ERC2: variants seen among roughly 807,000 people sequenced by gnomAD.
ERC2 encodes ELKS/RAB6-interacting/CAST family member 2.
In ERC2, 42 loss-of-function variants were observed where a neutral mutation model predicts 114.8. The ratio of observed to expected loss-of-function variants is 0.37; its 90% CI spans 0.29 to 0.47. The LOEUF (loss-of-function observed/expected upper bound fraction) is 0.47. Ranked by LOEUF, ERC2 falls within the 20% of genes least tolerant of loss-of-function variation. The pLI is 0.99. For missense variants in ERC2, 939 were observed against 1,150.7 expected (o/e 0.82, Z 2.66); for synonymous variants, 454 against 425.5 (o/e 1.07, Z -0.82).
chr3:56,137,525 C>G (rs774081836), intron 6 of ERC2, among the ~76,000 whole-genome samples: 6 of 152,202 alleles, frequency 3.9e-5, no homozygotes, highest in Non-Finnish European at 8.8e-5. Flanking sequence ...AAAAGCCAGA[C>G]AGTAAATATT....
intron 7 of ERC2, among the ~76,000 whole-genome samples, chr3:56,033,964 G>T (rs893186109): frequency 6.6e-6 from 1 of 151,792 alleles, no homozygotes; most frequent in Non-Finnish European, 1.5e-5. Flanking sequence ...AAATAATCAG[G>T]ATAATCAGGA....
chr3:55,820,326 C>T (rs1376860190), intron 14 of ERC2, among the ~76,000 whole-genome samples: 2 of 152,126 alleles, frequency 1.3e-5, no homozygotes, highest in Admixed American at 1.3e-4. Context: ...AAAACTAGCT[C>T]AGAACGGGAG....
intron 13 of ERC2, among the ~76,000 whole-genome samples, chr3:55,927,750 C>T (rs967530246): frequency 6.6e-6 from 1 of 152,148 alleles, no homozygotes; most frequent in African/African-American, 2.4e-5. Context: ...CCGACTCCAA[C>T]CCCAGTACCC....
intron 17 of ERC2, among the ~76,000 whole-genome samples, chr3:55,538,712 G>A (rs1323504288): frequency 1.3e-5 from 2 of 152,146 alleles, no homozygotes; most frequent in Non-Finnish European, 2.9e-5. Flanking sequence ...GCTGCTTTTA[G>A]GTCATTTTAA....
At chr3:55,981,752 G>A (rs2070158014) in intron 12 of ERC2, among the ~76,000 whole-genome samples, 1 of 152,154 alleles carries the variant, frequency 6.6e-6, no homozygotes. Context: ...GAAAACCAAT[G>A]ACATCTTTTC....
At chr3:56,025,324 A>AGCATC (rs1320788813) in intron 7 of ERC2, among the ~76,000 whole-genome samples, 6 of 152,236 alleles carry the variant, frequency 3.9e-5, no homozygotes, top group Non-Finnish European at 8.8e-5. Flanking sequence ...GCAGCTTAAC[A>AGCATC]GCATCAGATC....
chr3:56,434,665 G>A lies in ERC2; in HGVS notation c.343C>T (p.Leu115Phe), dbSNP rs1278880034. The part of the protein sequence containing the change: ...ASAGLSHTDV[L>F]SYTDQHGGLT... ...CCACCATGTTGATCTGTGTATGAAA[G>A]GACATCTGTGTGGGAAAGTCCAGCA... Residue 115 changes from leucine (L) to phenylalanine (F), a missense_variant, in exon 2 of 18, where the codon CTT becomes TTT. Around this residue, in one of 5 missense-constraint regions of ERC2, gnomAD observed 281 missense variants for 307.4 expected, o/e 0.91. Coordinates refer to ENST00000288221, the MANE Select transcript of ERC2 (RefSeq NM_015576.3). The A allele has an allele frequency of 1.2e-6, 2 of 1,613,856 alleles. No homozygotes were observed. Among genetic ancestry groups the A allele is most frequent in the East Asian group, 2.2e-5 (1 of 44,882 alleles).
intron 2 of ERC2, among the ~76,000 whole-genome samples, chr3:56,432,704 GAGGGTCAGC>G (rs2061845936): frequency 1.3e-5 from 2 of 152,222 alleles, no homozygotes; most frequent in South Asian, 4.1e-4. Flanking sequence ...AAACAGTTAG[GAGGGTCAGC>G]AGGTGACTCC....
intron 14 of ERC2, among the ~76,000 whole-genome samples, chr3:55,790,012 TG>T (rs2069860602): frequency 6.6e-6 from 1 of 152,208 alleles, no homozygotes; most frequent in Non-Finnish European, 1.5e-5. Flanking sequence ...TGTCTCCAAC[TG>T]TCAGTCCTTC....
At chr3:55,747,053 A>G (rs1412134863) in intron 14 of ERC2, among the ~76,000 whole-genome samples, 3 of 152,274 alleles carry the variant, frequency 2.0e-5, no homozygotes, top group East Asian at 3.9e-4. Flanking sequence ...CTGTAGTTAC[A>G]TCTCTAATAA....
intron 6 of ERC2, among the ~76,000 whole-genome samples, chr3:56,123,564 C>T (rs2079706111): frequency 6.6e-6 from 1 of 152,172 alleles, no homozygotes; most frequent in South Asian, 2.1e-4. Flanking sequence ...AAATCATTCT[C>T]TTGTCTCCAT....
intron 6 of ERC2, among the ~76,000 whole-genome samples, chr3:56,135,528 G>T (rs1158335691): frequency 6.6e-6 from 1 of 152,136 alleles, no homozygotes; most frequent in Non-Finnish European, 1.5e-5. Context: ...TAACAGCAAT[G>T]GTGATACCAT....
At chr3:56,053,748 A>G (rs1292701001) in intron 7 of ERC2, among the ~76,000 whole-genome samples, 2 of 152,184 alleles carry the variant, frequency 1.3e-5, no homozygotes, top group Admixed American at 1.3e-4. Context: ...TATGAAAATT[A>G]TAAGTCCCCT....
intron 17 of ERC2, among the ~76,000 whole-genome samples, chr3:55,681,635 T>C (rs2062059134): frequency 6.6e-6 from 1 of 152,192 alleles, no homozygotes; most frequent in African/African-American, 2.4e-5. Flanking sequence ...TAAAGAAAGA[T>C]AAGTAGTTTT....
At chr3:55,744,592 C>A (rs1436865648) in intron 14 of ERC2, among the ~76,000 whole-genome samples, 1 of 152,176 alleles carries the variant, frequency 6.6e-6, no homozygotes, top group Non-Finnish European at 1.5e-5. Flanking sequence ...TTGCGGGCCA[C>A]CGCTTCATTT....
At chr3:55,619,341 C>T (rs1367312888) in intron 17 of ERC2, among the ~76,000 whole-genome samples, 9 of 152,180 alleles carry the variant, frequency 5.9e-5, no homozygotes, top group African/African-American at 1.7e-4. Context: ...GGTTGCGTTA[C>T]GCTCAAATGT....
chr3:55,878,855 G>A (rs912721783), intron 14 of ERC2, among the ~76,000 whole-genome samples: 6 of 152,176 alleles, frequency 3.9e-5, no homozygotes, highest in African/African-American at 1.4e-4. Context: ...TCAAGGCAGG[G>A]ATAGTGAAGG....
chr3:55,526,181 G>T (rs2053301847), intron 17 of ERC2, among the ~76,000 whole-genome samples: 5 of 152,056 alleles, frequency 3.3e-5, no homozygotes, highest in Admixed American at 3.3e-4. Flanking sequence ...CTCGGAAGAG[G>T]CAAGGAAGGG....
intron 17 of ERC2, among the ~76,000 whole-genome samples, chr3:55,548,774 G>C (rs1431223810): frequency 6.6e-6 from 1 of 152,096 alleles, no homozygotes; most frequent in Non-Finnish European, 1.5e-5. Flanking sequence ...TGTTCACATG[G>C]GTACCAGGCA....
Sources: allele counts gnomAD v4.1 joint callset (sites outside exome capture counted in the v4.1 genomes callset), GRCh38; gene constraint gnomAD v4.1.1; regional missense constraint gnomAD v4.1.1; transcripts MANE v1.5; gene names NCBI Gene and HGNC (gene_info 2026-07-23, HGNC 2026-07-21).